Variants in CCNY observed in about 807,000 individuals in gnomAD.
CCNY encodes cyclin-Y.
In CCNY, 19 loss-of-function variants were observed where a neutral mutation model predicts 42.8. The observed-to-expected ratio is 0.44, with a 90% confidence interval of 0.31 to 0.65. The LOEUF is 0.65. Among genes scored for constraint, CCNY ranks in the 30% least tolerant of loss-of-function variants. The pLI, the probability that CCNY is intolerant of heterozygous loss-of-function variation, is 0.07. For missense variants in CCNY, 370 were observed against 437.3 expected, an observed-to-expected ratio of 0.85 and a Z score of 1.37; for synonymous variants, 165 against 162.7, an observed-to-expected ratio of 1.01 and a Z score of -0.11.
At chr10:35,425,711 C>T (rs1050439830) in intron 1 of CCNY, among the ~76,000 whole-genome samples, 4 of 152,156 alleles carry the variant, frequency 2.6e-5, no homozygotes, top group Non-Finnish European at 5.9e-5. Flanking sequence ...GTTGGGAGCA[C>T]GAGTGTACCT....
intron 1 of CCNY, among the ~76,000 whole-genome samples, chr10:35,382,392 C>G (rs760927393): frequency 6.6e-6 from 1 of 152,240 alleles, no homozygotes; most frequent in African/African-American, 2.4e-5. Flanking sequence ...GGCTTGATGC[C>G]TTCTCTTGGG....
chr10:35,465,905 A>AAG (rs56166429), intron 1 of CCNY, among the ~76,000 whole-genome samples: 1,109 of 99,208 alleles, frequency 0.011, 22 homozygotes, highest in Admixed American at 0.037. Context: ...GGGTAGGGGG[A>AAG]AGAGAGAGAG....
At chr10:35,426,391 A>G (rs1838274759) in intron 1 of CCNY, among the ~76,000 whole-genome samples, 1 of 152,194 alleles carries the variant, frequency 6.6e-6, no homozygotes, top group Non-Finnish European at 1.5e-5. Flanking sequence ...CAGAAAAACT[A>G]CAGAAACATA....
chr10:35,435,368 A>G (rs1012471821), intron 1 of CCNY, among the ~76,000 whole-genome samples: 1 of 152,234 alleles, frequency 6.6e-6, no homozygotes, highest in African/African-American at 2.4e-5. Context: ...ATGTACATAA[A>G]GGCCCCTTGT....
At chr10:35,380,157 A>G (rs1837148383) in intron 1 of CCNY, among the ~76,000 whole-genome samples, 1 of 152,202 alleles carries the variant, frequency 6.6e-6, no homozygotes, top group Non-Finnish European at 1.5e-5. Context: ...GCTGCCAGGT[A>G]CCAGTCTTAG....
At chr10:35,565,965 A>C (rs563108361) in intron 8 of CCNY, 58 bp from the exon 9 acceptor site, 1 of 1,541,816 alleles carries the variant, frequency 6.5e-7, no homozygotes, top group South Asian at 1.3e-5. Flanking sequence ...TTGCCTTGGC[A>C]GGCCACGTGG....
chr10:35,368,551 T>C (rs1041560291), intron 1 of CCNY, among the ~76,000 whole-genome samples: 1 of 152,264 alleles, frequency 6.6e-6, no homozygotes, highest in Admixed American at 6.5e-5. Context: ...CCTCTGCTAG[T>C]GAAAGCATTC....
At chr10:35,283,961 G>A (rs997184305) in intron 3 of CCNY, among the ~76,000 whole-genome samples, 1 of 152,026 alleles carries the variant, frequency 6.6e-6, no homozygotes, top group Non-Finnish European at 1.5e-5. Flanking sequence ...GCACATACCT[G>A]TAGTCCCAGC....
chr10:35,531,971 A>G (rs1840778641), intron 7 of CCNY, among the ~76,000 whole-genome samples: 1 of 152,184 alleles, frequency 6.6e-6, no homozygotes, highest in Non-Finnish European at 1.5e-5. Context: ...TAGGACTGGC[A>G]CTTTTCTTGT....
chr10:35,416,362 G>A (rs1838026127), intron 1 of CCNY, among the ~76,000 whole-genome samples: 1 of 152,174 alleles, frequency 6.6e-6, no homozygotes, highest in South Asian at 2.1e-4. Context: ...ACTTTGGGAG[G>A]TTGAAACGGG....
chr10:35,307,109 G>A (rs764464933), intron 3 of CCNY, among the ~76,000 whole-genome samples: 13 of 152,264 alleles, frequency 8.5e-5, no homozygotes, highest in Admixed American at 3.3e-4. Flanking sequence ...CGGGTAACAC[G>A]CTGGCAACCT....
upstream of CCNY, among the ~76,000 whole-genome samples, chr10:35,333,334 C>T (rs954178559): frequency 5.9e-5 from 9 of 152,168 alleles, no homozygotes; most frequent in Admixed American, 2.0e-4. Flanking sequence ...GTTATTTCTG[C>T]ATATGGCTAC....
chr10:35,446,640 C>A lies in CCNY; in HGVS notation c.155-36764C>A, dbSNP rs555725548. ...TGTTTCATGAGCAGCTTCCCTTTGC[C>A]AGGGTCTTTGTGGTTAGTGATGATC... On this transcript the variant is annotated intron_variant, in intron 1 of 9. Coordinates refer to ENST00000374704, the MANE Select transcript of CCNY (RefSeq NM_145012.6). 1.4e-4 allele frequency among the ~76,000 whole-genome samples: 22 copies of A among 152,270 alleles called. No individual in the cohort carries two copies. In the South Asian group the frequency reaches 4.6e-3, roughly 32 times the overall value.
intron 7 of CCNY, among the ~76,000 whole-genome samples, chr10:35,547,343 G>C (rs1841137704): frequency 1.3e-5 from 2 of 152,068 alleles, no homozygotes; most frequent in Admixed American, 6.5e-5. Context: ...TCCACCAACA[G>C]TTGTCACACT....
At chr10:35,326,565 G>GAA (rs1835882588) in intron 3 of CCNY, among the ~76,000 whole-genome samples, 1 of 152,186 alleles carries the variant, frequency 6.6e-6, no homozygotes, top group Non-Finnish European at 1.5e-5. Flanking sequence ...ATTCTGTACA[G>GAA]ATTGCTGAGT....
intron 3 of CCNY, among the ~76,000 whole-genome samples, chr10:35,259,692 T>A (rs58945401): frequency 0.37 from 53,694 of 146,016 alleles, 10,622 homozygotes; most frequent in African/African-American, 0.49. Flanking sequence ...TTTTTTTTTT[T>A]TTAGAGACGA....
chr10:35,565,705 C>T (rs1390992962), intron 8 of CCNY, among the ~76,000 whole-genome samples: 2 of 152,214 alleles, frequency 1.3e-5, no homozygotes, highest in Non-Finnish European at 2.9e-5. Context: ...GCTGCATCCA[C>T]CCTTTGTTAG....
chr10:35,561,646 C>T (rs1328963641), intron 8 of CCNY, among the ~76,000 whole-genome samples: 1 of 152,164 alleles, frequency 6.6e-6, no homozygotes, highest in Non-Finnish European at 1.5e-5. Flanking sequence ...TTCCTGGCCT[C>T]CTGTGTCCCA....
chr10:35,502,804 C>T (rs973834969), intron 3 of CCNY, among the ~76,000 whole-genome samples: 7 of 151,534 alleles, frequency 4.6e-5, no homozygotes, highest in African/African-American at 1.5e-4. Context: ...GCGATTGGAA[C>T]GAATTCTCTA....
Sources: allele counts gnomAD v4.1 joint callset (sites outside exome capture counted in the v4.1 genomes callset), GRCh38; gene constraint gnomAD v4.1.1; transcripts MANE v1.5; gene names NCBI Gene and HGNC (gene_info 2026-07-23, HGNC 2026-07-21).